CALN1: variants seen among roughly 807,000 people sequenced by gnomAD.
The protein encoded by CALN1 is calcium-binding protein 8.
A neutral mutation model predicts 30.6 loss-of-function variants in CALN1; 17 were observed. The ratio of observed to expected loss-of-function variants is 0.56; its 90% CI spans 0.38 to 0.83. The LOEUF (loss-of-function observed/expected upper bound fraction) is 0.83. Among genes scored for constraint, CALN1 ranks in the 40% least tolerant of loss-of-function variants. The pLI is 0.00. For synonymous variants in CALN1, 156 were observed against 131.4 expected (o/e 1.19, Z -1.28); for missense variants, 291 against 354.9 (o/e 0.82, Z 1.45).
intron 2 of CALN1, among the ~76,000 whole-genome samples, chr7:72,359,456 T>C (rs749053710): frequency 6.6e-6 from 1 of 152,206 alleles, no homozygotes; most frequent in Non-Finnish European, 1.5e-5. Flanking sequence ...TAACACACTG[T>C]ACACATTGTT....
At chr7:72,456,778 T>A in the CALN1 span, among the ~76,000 whole-genome samples, 154 of 151,886 alleles carry the variant, frequency 1.0e-3, no homozygotes, top group Non-Finnish European at 1.3e-3. Flanking sequence ...GCCAGGAAGT[T>A]GAGATTGCAG....
chr7:71,928,547 C>T (rs1341466464), intron 5 of CALN1, among the ~76,000 whole-genome samples: 3 of 151,954 alleles, frequency 2.0e-5, no homozygotes, highest in Non-Finnish European at 2.9e-5. Flanking sequence ...ATGCAGAACC[C>T]GTGGATACAG....
the CALN1 span, among the ~76,000 whole-genome samples, chr7:72,461,933 G>A: frequency 1.8e-4 from 28 of 152,134 alleles, no homozygotes; most frequent in African/African-American, 6.7e-4. Context: ...GCTTGAGCCC[G>A]GGAGGTGGAG....
chr7:72,274,030 G>C (rs1424731810), intron 3 of CALN1, among the ~76,000 whole-genome samples: 1 of 151,964 alleles, frequency 6.6e-6, no homozygotes, highest in African/African-American at 2.4e-5. Context: ...AAACAGAAGA[G>C]ATTTTCACAA....
At chr7:72,000,845 G>C (rs1799490761) in intron 5 of CALN1, among the ~76,000 whole-genome samples, 1 of 152,214 alleles carries the variant, frequency 6.6e-6, no homozygotes, top group African/African-American at 2.4e-5. Flanking sequence ...CACCATGACT[G>C]TTACAGTAGG....
chr7:72,456,790 G>A, the CALN1 span, among the ~76,000 whole-genome samples: 1 of 151,964 alleles, frequency 6.6e-6, no homozygotes, highest in African/African-American at 2.4e-5. Flanking sequence ...AGATTGCAGT[G>A]AGTCATGACT....
intron 1 of CALN1, among the ~76,000 whole-genome samples, chr7:72,406,571 G>A (rs1247966664): frequency 2.6e-5 from 4 of 151,672 alleles, no homozygotes; most frequent in Admixed American, 1.3e-4. Flanking sequence ...CTTGAAGTTA[G>A]ATCTCTGGGC....
At chr7:72,375,785 A>T (rs1324179664) in intron 2 of CALN1, among the ~76,000 whole-genome samples, 1 of 152,084 alleles carries the variant, frequency 6.6e-6, no homozygotes, top group Non-Finnish European at 1.5e-5. Flanking sequence ...CCTGGTCTAA[A>T]ATATATAATT....
chr7:71,963,041 A>G (rs1797328276), intron 5 of CALN1, among the ~76,000 whole-genome samples: 1 of 152,212 alleles, frequency 6.6e-6, no homozygotes, highest in Non-Finnish European at 1.5e-5. Flanking sequence ...AAGATTTGTA[A>G]CTGGTATTTA....
intron 3 of CALN1, among the ~76,000 whole-genome samples, chr7:72,183,451 AGGAG>A (rs1487550334): frequency 6.6e-6 from 1 of 152,212 alleles, no homozygotes; most frequent in Non-Finnish European, 1.5e-5. Flanking sequence ...GTAGAAAAAA[AGGAG>A]GCAGAAATTC....
intron 5 of CALN1, among the ~76,000 whole-genome samples, chr7:71,946,436 T>C (rs1014929465): frequency 6.7e-6 from 1 of 149,618 alleles, no homozygotes; most frequent in African/African-American, 2.5e-5. Context: ...GGTGCAATCA[T>C]AGCTCACTGC....
chr7:72,217,795 T>C (rs1352723933), intron 3 of CALN1, among the ~76,000 whole-genome samples: 3 of 150,122 alleles, frequency 2.0e-5, no homozygotes, highest in South Asian at 2.1e-4. Context: ...TTGGGCAATA[T>C]AGCGAGATCC....
chr7:72,171,320 T>C (rs1040574039), intron 3 of CALN1, among the ~76,000 whole-genome samples: 1 of 152,132 alleles, frequency 6.6e-6, no homozygotes, highest in African/African-American at 2.4e-5. Context: ...CAAAGTCTTT[T>C]AAAATACATT....
At position 72,393,861 on chromosome 7, in the gene CALN1, T is replaced by C. The variant is rs1411072708; in HGVS notation, c.119+9390A>G. Among the ~76,000 whole-genome samples the C allele has an allele frequency of 3.3e-5, 5 of 151,596 alleles. No homozygotes were observed. The East Asian group carries it at 7.8e-4, about 24-fold the overall frequency. ...ACTTCCCAGGCCCAAGCAATCCCTC[T>C]GCCTCAGCATCCTGAGTAGCTAGGA... On this transcript the variant is annotated intron_variant, in intron 2 of 6. Transcript: ENST00000395275.
At chr7:72,430,628 C>A (rs931449171) in intron 1 of CALN1, among the ~76,000 whole-genome samples, 1 of 152,144 alleles carries the variant, frequency 6.6e-6, no homozygotes, top group African/African-American at 2.4e-5. Flanking sequence ...CAGTATTTAA[C>A]CACCTGTAGG....
At chr7:71,981,200 A>C (rs528049960) in intron 5 of CALN1, among the ~76,000 whole-genome samples, 1 of 152,314 alleles carries the variant, frequency 6.6e-6, no homozygotes, top group African/African-American at 2.4e-5. Flanking sequence ...GTTAGATCTT[A>C]GGAACAAGTC....
Position 71,808,158 on chromosome 7 carries a change from ATACCATAATTAT to A in CALN1, c.658+2166_658+2177del, listed in dbSNP as rs1787730495. Among the ~76,000 whole-genome samples the A allele has an allele frequency of 3.3e-5, 5 of 152,212 alleles. No homozygotes were observed. The South Asian group carries it at 1.0e-3, about 32-fold the overall frequency. On this transcript the variant is annotated intron_variant, in intron 6 of 6. Transcript: ENST00000395275. ...TTAGGTACCTAACCATGGTTAGATA[ATACCATAATTAT>A]TACCATAATTATTAATTATGATATT...
chr7:72,408,339 G>A (rs893218512), intron 1 of CALN1, among the ~76,000 whole-genome samples: 4 of 151,890 alleles, frequency 2.6e-5, no homozygotes, highest in East Asian at 1.9e-4. Flanking sequence ...TACTCAGGAG[G>A]GTAAGGCATG....
At chr7:72,331,371 A>G (rs1801665849) in intron 2 of CALN1, among the ~76,000 whole-genome samples, 1 of 152,136 alleles carries the variant, frequency 6.6e-6, no homozygotes, top group East Asian at 1.9e-4. Context: ...AAAAAAAAGA[A>G]AAAGAAAAAG....
Sources: allele counts gnomAD v4.1 joint callset (sites outside exome capture counted in the v4.1 genomes callset), GRCh38; gene constraint gnomAD v4.1.1; transcripts MANE v1.5; gene names NCBI Gene and HGNC (gene_info 2026-07-23, HGNC 2026-07-21).